Variants in NRCAM observed in about 807,000 individuals in gnomAD.
NRCAM encodes the protein NgCAM-related cell adhesion molecule.
NRCAM carries 83 observed loss-of-function variants against 156.5 expected under a neutral mutation model. The observed-to-expected ratio is 0.53, with a 90% CI of 0.44 to 0.64. The LOEUF (loss-of-function observed/expected upper bound fraction) is 0.64. Ranked by LOEUF, NRCAM falls within the 30% of genes least tolerant of loss-of-function variation. NRCAM has a pLI of 0.00. For synonymous variants in NRCAM, 538 were observed against 563.9 expected (o/e 0.95, Z 0.65); for missense variants, 1,417 against 1,597.3 (o/e 0.89, Z 1.92).
At chr7:108,421,353 C>T (rs911760239) in intron 1 of NRCAM, among the ~76,000 whole-genome samples, 2 of 152,102 alleles carry the variant, frequency 1.3e-5, no homozygotes, top group African/African-American at 4.8e-5. Context: ...TATAATATCA[C>T]ATGCCATTTA....
chr7:108,162,774 G>C (rs895689144), intron 30 of NRCAM, among the ~76,000 whole-genome samples: 6 of 152,080 alleles, frequency 3.9e-5, no homozygotes, highest in Non-Finnish European at 7.4e-5. Flanking sequence ...TATGGTAATA[G>C]GTGCATGTGT....
chr7:108,435,557 A>C (rs1364536569), intron 1 of NRCAM, among the ~76,000 whole-genome samples: 1 of 152,218 alleles, frequency 6.6e-6, no homozygotes, highest in African/African-American at 2.4e-5. Context: ...AGATCTAAGA[A>C]GTTCAACAAA....
At chr7:108,261,836 C>T (rs1188508294) in intron 3 of NRCAM, among the ~76,000 whole-genome samples, 1 of 152,180 alleles carries the variant, frequency 6.6e-6, no homozygotes, top group African/African-American at 2.4e-5. Context: ...TGCACTCAAG[C>T]ACAACCCAGC....
At chr7:108,277,794 T>C (rs1027331965) in intron 3 of NRCAM, among the ~76,000 whole-genome samples, 20 of 152,310 alleles carry the variant, frequency 1.3e-4, no homozygotes, top group African/African-American at 1.9e-4. Flanking sequence ...TAAGGAGTTA[T>C]GTTCCTTTGG....
At chr7:108,371,120 T>A (rs1048911947) in intron 2 of NRCAM, among the ~76,000 whole-genome samples, 1 of 152,156 alleles carries the variant, frequency 6.6e-6, no homozygotes, top group African/African-American at 2.4e-5. Flanking sequence ...TAACTCAGAT[T>A]TCCTTCTTTT....
At chr7:108,190,293 T>A (rs2153433650) in intron 19 of NRCAM, among the ~76,000 whole-genome samples, 1 of 152,328 alleles carries the variant, frequency 6.6e-6, no homozygotes, top group Non-Finnish European at 1.5e-5. Flanking sequence ...GTGTGTTTAC[T>A]CCCAGAGGAC....
intron 3 of NRCAM, among the ~76,000 whole-genome samples, chr7:108,272,372 C>T (rs1416382835): frequency 6.6e-6 from 1 of 152,194 alleles, no homozygotes; most frequent in African/African-American, 2.4e-5. Context: ...CTGCTCTTTG[C>T]TGAACACACA....
At chr7:108,288,664 C>T (rs574229071) in intron 3 of NRCAM, among the ~76,000 whole-genome samples, 10 of 152,184 alleles carry the variant, frequency 6.6e-5, no homozygotes, top group South Asian at 2.1e-4. Context: ...TACATAAGAA[C>T]CTGTCCCACT....
chr7:108,177,929 A>G (rs981330160), intron 26 of NRCAM, 61 bp downstream of exon 26: 6 of 1,469,962 alleles, frequency 4.1e-6, no homozygotes, highest in African/African-American at 2.9e-5. Flanking sequence ...TTATTTGTCA[A>G]TTAAAATAAT....
chr7:108,156,943 A>G (rs2045862690), intron 32 of NRCAM, among the ~76,000 whole-genome samples: 1 of 152,162 alleles, frequency 6.6e-6, no homozygotes, highest in South Asian at 2.1e-4. Flanking sequence ...ATTTCTTCAA[A>G]TAGAAAATAA....
At chr7:108,181,560 G>A (rs1193762370) in intron 24 of NRCAM, among the ~76,000 whole-genome samples, 1 of 151,622 alleles carries the variant, frequency 6.6e-6, no homozygotes, top group African/African-American at 2.4e-5. Flanking sequence ...TCCCCATTTT[G>A]TATACATACT....
At chr7:108,402,365 G>A (rs975443044) in intron 1 of NRCAM, among the ~76,000 whole-genome samples, 10 of 152,070 alleles carry the variant, frequency 6.6e-5, no homozygotes, top group African/African-American at 2.4e-4. Flanking sequence ...TATTTTAAGA[G>A]GCTAATGCAA....
At chr7:108,283,682 AGT>A (rs1563101177) in intron 3 of NRCAM, among the ~76,000 whole-genome samples, 2 of 152,300 alleles carry the variant, frequency 1.3e-5, no homozygotes, top group East Asian at 1.9e-4. Flanking sequence ...GCTTTTCTGC[AGT>A]GTGTGGCACT....
At chr7:108,252,895 A>G (rs184579084) in intron 3 of NRCAM, among the ~76,000 whole-genome samples, 81 of 152,362 alleles carry the variant, frequency 5.3e-4, no homozygotes, top group African/African-American at 1.9e-3. Context: ...AATAATCTCT[A>G]CATTGCATGC....
At chr7:108,260,341 T>C (rs1344607463) in intron 3 of NRCAM, among the ~76,000 whole-genome samples, 1 of 152,132 alleles carries the variant, frequency 6.6e-6, no homozygotes, top group Non-Finnish European at 1.5e-5. Context: ...TGGCCCACAG[T>C]AAACACCTAA....
At chr7:108,247,009 G>A (rs1268707730) in intron 3 of NRCAM, among the ~76,000 whole-genome samples, 1 of 152,128 alleles carries the variant, frequency 6.6e-6, no homozygotes, top group Non-Finnish European at 1.5e-5. Flanking sequence ...CCTCTGGGAA[G>A]TATGAGCCAT....
At chr7:108,191,925 G>T in intron 17 of NRCAM, 72 bp from the exon 18 acceptor site, 1 of 1,494,544 alleles carries the variant, frequency 6.7e-7, no homozygotes, top group South Asian at 1.3e-5. Flanking sequence ...TCACTGGCAG[G>T]AAAAAAACTG....
intron 2 of NRCAM, among the ~76,000 whole-genome samples, chr7:108,333,557 G>GA (rs1397758535): frequency 1.3e-5 from 2 of 151,996 alleles, no homozygotes; most frequent in Admixed American, 6.6e-5. Context: ...CCTGTTCTTA[G>GA]AAAAAAATTT....
At chr7:108,195,721 A>G (rs1563376928) in intron 15 of NRCAM, 40 bp downstream of exon 15, 1 of 1,137,838 alleles carries the variant, frequency 8.8e-7, no homozygotes, top group South Asian at 1.3e-5. Context: ...CCTTTAGCAA[A>G]CATTTTAAGT....
Sources: allele counts gnomAD v4.1 joint callset (sites outside exome capture counted in the v4.1 genomes callset), GRCh38; gene constraint gnomAD v4.1.1; transcripts MANE v1.5; gene names NCBI Gene and HGNC (gene_info 2026-07-23, HGNC 2026-07-21).